Variants in FNIP2 observed in about 807,000 individuals in gnomAD.
FNIP2 encodes folliculin-interacting protein 2.
A neutral mutation model predicts 108.7 loss-of-function variants in FNIP2; 32 were observed. That is an observed-to-expected ratio of 0.29 (90% CI 0.22 to 0.40). The LOEUF is 0.40. FNIP2 is among the 10% of genes least tolerant of loss of function. The pLI is 1.00. For synonymous variants in FNIP2, 480 were observed against 496.7 expected (o/e 0.97, Z 0.45); for missense variants, 1,202 against 1,381.6 (o/e 0.87, Z 2.06).
intron 8 of FNIP2, among the ~76,000 whole-genome samples, chr4:158,857,080 A>C (rs913828665): frequency 3.9e-5 from 6 of 152,200 alleles, no homozygotes; most frequent in Non-Finnish European, 8.8e-5. Flanking sequence ...TCCTACATTA[A>C]AACTGATGAG....
chr4:158,870,165 C>A, intron 13 of FNIP2, 148 bp from the exon 14 acceptor site: 1 of 764,864 alleles, frequency 1.3e-6, no homozygotes, highest in Non-Finnish European at 2.0e-6. Flanking sequence ...TTTCTCCCAC[C>A]TGTGATCCAC....
At chr4:158,877,280 G>A (rs1781336246) in intron 14 of FNIP2, among the ~76,000 whole-genome samples, 1 of 152,158 alleles carries the variant, frequency 6.6e-6, no homozygotes, top group Non-Finnish European at 1.5e-5. Context: ...ATACACAGAA[G>A]ATCAGACATT....
chr4:158,769,510 C>A (rs1312398758), intron 1 of FNIP2, among the ~76,000 whole-genome samples, 191 bp downstream of exon 1: 1 of 152,128 alleles, frequency 6.6e-6, no homozygotes, highest in East Asian at 1.9e-4. Context: ...CGTGACCCTT[C>A]CTCCCGCTCT....
chr4:158,856,757 C>T (rs984917615), intron 8 of FNIP2, among the ~76,000 whole-genome samples: 1 of 152,210 alleles, frequency 6.6e-6, no homozygotes, highest in African/African-American at 2.4e-5. Flanking sequence ...AGAACTCTGC[C>T]TCAGTTTCCA....
rs368343856 is a variant in FNIP2, at chr4:158,793,945, A to T, written c.107+24626A>T. Among the ~76,000 whole-genome samples the T allele has an allele frequency of 2.6e-5, 4 of 152,336 alleles. No individual in the cohort carries two copies. The East Asian group carries it at 7.7e-4, about 29-fold the overall frequency. The stretch of plus-strand genomic sequence containing the variant: ...CTAGAACTACGCTGCCCAGTTCAGT[A>T]AACACCAGCCACATGTCTAGTCGGC... On this transcript the variant is annotated intron_variant, in intron 1 of 16. Coordinates refer to ENST00000264433, the MANE Select transcript of FNIP2 (RefSeq NM_020840.3).
At chr4:158,775,179 A>T (rs1775819300) in intron 1 of FNIP2, among the ~76,000 whole-genome samples, 1 of 152,064 alleles carries the variant, frequency 6.6e-6, no homozygotes, top group African/African-American at 2.4e-5. Context: ...CTGATTTGGG[A>T]ACTGGTAATG....
intron 14 of FNIP2, among the ~76,000 whole-genome samples, chr4:158,878,581 C>T (rs73858600): frequency 1.2e-3 from 190 of 152,242 alleles, no homozygotes; most frequent in African/African-American, 4.2e-3. Context: ...AAGCACACTA[C>T]TTTAGACACT....
intron 12 of FNIP2, 76 bp downstream of exon 12, chr4:158,861,852 C>G: frequency 6.6e-7 from 1 of 1,506,060 alleles, no homozygotes; most frequent in Middle Eastern, 1.8e-4. Flanking sequence ...GTAGTTTATA[C>G]CGGCTCTCTC....
At chr4:158,864,864 T>C (rs917821149) in intron 12 of FNIP2, among the ~76,000 whole-genome samples, 1 of 152,090 alleles carries the variant, frequency 6.6e-6, no homozygotes, top group Admixed American at 6.6e-5. Flanking sequence ...TGCACCTCTC[T>C]AACATCCCAT....
At chr4:158,792,834 C>T (rs1776466011) in intron 1 of FNIP2, among the ~76,000 whole-genome samples, 1 of 152,240 alleles carries the variant, frequency 6.6e-6, no homozygotes, top group East Asian at 1.9e-4. Context: ...AAATGGGTGG[C>T]TTCATCCTAG....
intron 1 of FNIP2, among the ~76,000 whole-genome samples, chr4:158,797,115 A>G (rs1465934383): frequency 1.3e-5 from 2 of 152,228 alleles, no homozygotes; most frequent in Non-Finnish European, 2.9e-5. Context: ...CGTAGCTATT[A>G]GAACTCTTAG....
At chr4:158,774,263 T>C (rs1473214124) in intron 1 of FNIP2, among the ~76,000 whole-genome samples, 6 of 152,136 alleles carry the variant, frequency 3.9e-5, no homozygotes. Flanking sequence ...TGCCAAGAGG[T>C]AGGTGAAAAT....
chr4:158,828,549 C>T (rs575547305), intron 2 of FNIP2, among the ~76,000 whole-genome samples: 9 of 152,054 alleles, frequency 5.9e-5, no homozygotes, highest in South Asian at 2.1e-4. Context: ...CCGGGAGGCA[C>T]GGGTTGCAGT....
At chr4:158,850,686 A>C (rs1779648563) in intron 7 of FNIP2, among the ~76,000 whole-genome samples, 1 of 147,352 alleles carries the variant, frequency 6.8e-6, no homozygotes. Flanking sequence ...TTTGGGAGAC[A>C]GGATACTAGA....
In FNIP2 at chr4:158,899,535, AT is replaced by A. The variant is rs562367617; in HGVS notation, c.3266+3671del. On this transcript the variant is annotated intron_variant, in intron 16 of 16. Transcript: ENST00000264433. Reference sequence around the variant, plus strand: ...TACTGCCTCAATTTCAGAACTTGTTATCAGTCTATTCAGGGATTTGACTTCT... The same window carrying A: ...TACTGCCTCAATTTCAGAACTTGTTACAGTCTATTCAGGGATTTGACTTCT... Among the ~76,000 whole-genome samples the A allele has an allele frequency of 2.0e-5, 3 of 152,346 alleles. No homozygotes were observed. The East Asian group carries it at 5.8e-4, about 29-fold the overall frequency.
intron 1 of FNIP2, among the ~76,000 whole-genome samples, chr4:158,780,033 C>A (rs1246709889): frequency 6.6e-6 from 1 of 151,494 alleles, no homozygotes; most frequent in East Asian, 1.9e-4. Flanking sequence ...CAAAAGGAGA[C>A]CCCATCTCTA....
intron 1 of FNIP2, among the ~76,000 whole-genome samples, chr4:158,793,381 T>G (rs1560757634): frequency 6.6e-6 from 1 of 152,232 alleles, no homozygotes; most frequent in Non-Finnish European, 1.5e-5. Context: ...GTGTACTTTT[T>G]CAGTTACAGG....
chr4:158,836,834 A>AG (rs1778838269), intron 7 of FNIP2, among the ~76,000 whole-genome samples: 2 of 151,106 alleles, frequency 1.3e-5, no homozygotes. Flanking sequence ...AAAAAAAAAA[A>AG]AAAAGAGACT....
intron 14 of FNIP2, among the ~76,000 whole-genome samples, chr4:158,884,015 C>G (rs186137923): frequency 1.1e-4 from 16 of 149,814 alleles, no homozygotes; most frequent in East Asian, 3.9e-4. Flanking sequence ...TTCCTGCCCC[C>G]CTTCAGGAGA....
Sources: gnomAD v4.1 joint callset for allele counts (sites outside exome capture counted in the v4.1 genomes callset) on GRCh38, gnomAD v4.1.1 for gene constraint, MANE v1.5 for transcripts, NCBI Gene and HGNC (gene_info 2026-07-23, HGNC 2026-07-21) for gene names.